The following CNNM1 variants were observed in gnomAD, a reference collection of about 807,000 sequenced individuals.
CNNM1 encodes cyclin and CBS domain divalent metal cation transport mediator 1.
In CNNM1, 44 loss-of-function variants were observed where a neutral mutation model predicts 78.8. That is an observed-to-expected ratio of 0.56 (90% CI 0.44 to 0.72). CNNM1 has a LOEUF of 0.72. Ranked by LOEUF, CNNM1 falls within the 30% of genes least tolerant of loss-of-function variation. CNNM1 has a pLI of 0.00. For synonymous variants in CNNM1, 584 were observed against 581.5 expected (o/e 1.00, Z -0.06); for missense variants, 1,101 against 1,292.2 (o/e 0.85, Z 2.27).
At chr10:99,359,931 A>G (rs2031371629) in intron 2 of CNNM1, among the ~76,000 whole-genome samples, 1 of 152,116 alleles carries the variant, frequency 6.6e-6, no homozygotes, top group Non-Finnish European at 1.5e-5. Context: ...ACCAAAAAAA[A>G]AAAAACAAAA....
At chr10:99,387,661 C>T (rs1455312478) in intron 7 of CNNM1, among the ~76,000 whole-genome samples, 159 bp from the exon 8 acceptor site, 1 of 152,208 alleles carries the variant, frequency 6.6e-6, no homozygotes, top group East Asian at 1.9e-4. Flanking sequence ...CCCTGCTGGA[C>T]TGCTACAGCG....
At chr10:99,348,802 A>G (rs1372823742) in intron 1 of CNNM1, among the ~76,000 whole-genome samples, 1 of 152,228 alleles carries the variant, frequency 6.6e-6, no homozygotes, top group Non-Finnish European at 1.5e-5. Flanking sequence ...CTGTAATCCC[A>G]GCACTTTGGG....
intron 1 of CNNM1, among the ~76,000 whole-genome samples, chr10:99,333,160 T>C (rs2029997408): frequency 6.6e-6 from 1 of 152,162 alleles, no homozygotes; most frequent in African/African-American, 2.4e-5. Flanking sequence ...CCAAATTTTC[T>C]CTTCTAACAA....
chr10:99,330,077 C>T lies in CNNM1; in HGVS notation c.690C>T (p.Leu230=). The change falls in exon 1 of 11, where the codon CTC becomes CTT. Residue 230 remains leucine, a synonymous_variant. Transcript: ENST00000356713. The part of the protein sequence containing the change: ...PPAWLRALGA[L]LLLALSALFS... ...CGTGGCTGCGGGCGCTCGGGGCGCT[C>T]CTGCTGCTAGCCTTGTCGGCCCTGT... 2 of 1,528,680 alleles carry T rather than the reference C, an allele frequency of 1.3e-6. No individual in the cohort carries two copies. The highest frequency in any genetic ancestry group is 8.7e-7 in the Non-Finnish European group (1 of 1,147,032). The allele number at this position is 1,528,680 out of a possible 1,614,324, so 94.7% of individuals were successfully genotyped here.
At chr10:99,380,977 T>G (rs1446437196) in intron 7 of CNNM1, among the ~76,000 whole-genome samples, 2 of 152,146 alleles carry the variant, frequency 1.3e-5, no homozygotes, top group Non-Finnish European at 2.9e-5. Flanking sequence ...TGTCTGTCCT[T>G]TTTGTCCAAA....
chr10:99,330,121 G>A lies in CNNM1; in HGVS notation c.734G>A (p.Ser245Asn). Residue 245 changes from serine to asparagine, a missense_variant, in exon 1 of 11, where the codon AGC becomes AAC. Coordinates refer to ENST00000356713, the MANE Select transcript of CNNM1 (RefSeq NM_020348.3). ...LSALFSGLRLSLLSLDPVELR... is the reference protein window; with the variant it reads ...LSALFSGLRLNLLSLDPVELR... ...GCCCTGTTCAGCGGCCTGCGCCTGA[G>A]CCTGCTGTCGCTGGACCCGGTGGAG... is the stretch of plus-strand genomic sequence containing the variant. 6.5e-7 allele frequency: 1 copy of A among 1,549,102 alleles called. No individual in the cohort carries two copies.
rs751775737 is a variant in CNNM1, at chr10:99,364,469, C to T, written c.2081C>T (p.Ala694Val). 3.1e-6 allele frequency: 5 copies of T among 1,612,610 alleles called. No individual in the cohort carries two copies. In the South Asian group the frequency reaches 5.5e-5, roughly 18 times the overall value. ...GKEGLRFENG[A>V]FTYYGVPAIM... Reference sequence around the variant, plus strand: ...GAAGGCCTTCGCTTTGAAAATGGAGCCTTTACTTACTATGGCGTCCCAGCC... The same window carrying T: ...GAAGGCCTTCGCTTTGAAAATGGAGTCTTTACTTACTATGGCGTCCCAGCC... Residue 694 changes from alanine to valine, a missense_variant, in exon 5 of 11, where the codon GCC becomes GTC. Ala to Val is a moderately conservative substitution (Grantham distance 64). This residue lies in a region of CNNM1 where 348 missense variants were observed against 384.5 expected (regional missense o/e 0.90). Transcript: ENST00000356713.
chr10:99,330,147 T>G lies in CNNM1; in HGVS notation c.760T>G (p.Leu254Val). Residue 254 changes from leucine (L) to valine (V), a missense_variant, in exon 1 of 11, where the codon TTA (leucine) becomes GTA (valine). Transcript: ENST00000356713. ...CCTGCTGTCGCTGGACCCGGTGGAGTTACGGGTGCTGCGGAACAGCGGCTC... is the reference window on the plus strand; with the variant it reads ...CCTGCTGTCGCTGGACCCGGTGGAGGTACGGGTGCTGCGGAACAGCGGCTC... ...LSLLSLDPVE[L>V]RVLRNSGSAA... 8 of 1,543,060 alleles carry G rather than the reference T, an allele frequency of 5.2e-6. No individual in the cohort carries two copies. The highest frequency in any genetic ancestry group is 7.0e-6 in the Non-Finnish European group (8 of 1,150,936).
At chr10:99,333,149 T>A (rs2029996926) in intron 1 of CNNM1, among the ~76,000 whole-genome samples, 1 of 152,182 alleles carries the variant, frequency 6.6e-6, no homozygotes, top group Admixed American at 6.5e-5. Context: ...TCCTTGTGTG[T>A]CCAAATTTTC....
Position 99,377,125 on chromosome 10 carries a change from T to C in CNNM1, c.2247T>C (p.Phe749=). 1 of 1,611,186 alleles carries C rather than the reference T, an allele frequency of 6.2e-7. No individual in the cohort carries two copies. Among genetic ancestry groups the C allele is most frequent in the Non-Finnish European group, 8.5e-7 (1 of 1,178,788 alleles). ...CTCCAAACCGAGAGCGCAGTGACTT[T>C]GGGGGCAGCAACACCCAGCTGTACA... ...SESPNRERSD[F]GGSNTQLYSS... The change falls in exon 7 of 11, where the codon TTT becomes TTC. Residue 749 remains phenylalanine (F), a synonymous_variant. Transcript: ENST00000356713.
At position 99,365,322 on chromosome 10, in the gene CNNM1, C is replaced by G. The variant is rs547123946; in HGVS notation, c.2176+320C>G. 1.5e-4 allele frequency among the ~76,000 whole-genome samples: 23 copies of G among 152,342 alleles called. No homozygotes were observed. In the South Asian group the frequency reaches 4.4e-3, roughly 29 times the overall value. On this transcript the variant is annotated intron_variant, in intron 6 of 10. Transcript: ENST00000356713. ...GGTGATTTGTGTGCTTGGGCAGAGG[C>G]TCAGCCCTTCCTTCTGTGCAATAAC... is the stretch of plus-strand genomic sequence containing the variant.
intron 2 of CNNM1, 42 bp from the exon 3 acceptor site, chr10:99,360,793 T>G (rs762704362): frequency 6.5e-7 from 1 of 1,544,546 alleles, no homozygotes; most frequent in Non-Finnish European, 8.8e-7. Flanking sequence ...AAGATCAACG[T>G]GATTCTGAGA....
In CNNM1 at chr10:99,377,127, G is replaced by C. The variant is rs552410228; in HGVS notation, c.2249G>C (p.Gly750Ala). 2.1e-5 allele frequency: 34 copies of C among 1,611,220 alleles called. No individual in the cohort carries two copies. In the South Asian group the frequency reaches 2.8e-4, roughly 13 times the overall value. The change falls in exon 7 of 11, where the codon GGG becomes GCG. Residue 750 changes from glycine to alanine, a missense_variant. By Grantham distance (60) the Gly-to-Ala change is moderately conservative. Transcript: ENST00000356713. Reference sequence around the variant, plus strand: ...CCAAACCGAGAGCGCAGTGACTTTGGGGGCAGCAACACCCAGCTGTACAGC... The same window carrying C: ...CCAAACCGAGAGCGCAGTGACTTTGCGGGCAGCAACACCCAGCTGTACAGC... ...ESPNRERSDFGGSNTQLYSSS... is the reference protein window; with the variant it reads ...ESPNRERSDFAGSNTQLYSSS...
intron 7 of CNNM1, among the ~76,000 whole-genome samples, chr10:99,382,781 A>G (rs1486735342): frequency 6.6e-6 from 1 of 152,198 alleles, no homozygotes; most frequent in Non-Finnish European, 1.5e-5. Flanking sequence ...ATAAAATGAC[A>G]GGAGACATCA....
chr10:99,335,941 G>C (rs574148467), intron 1 of CNNM1, among the ~76,000 whole-genome samples: 4 of 152,208 alleles, frequency 2.6e-5, no homozygotes, highest in Admixed American at 2.6e-4. Context: ...TGTTGGATTA[G>C]GGCCCACCCT....
At chr10:99,375,731 C>A (rs1471097539) in intron 6 of CNNM1, among the ~76,000 whole-genome samples, 1 of 152,216 alleles carries the variant, frequency 6.6e-6, no homozygotes, top group Non-Finnish European at 1.5e-5. Context: ...AGGTTCTACC[C>A]TGAAAGAGCA....
At chr10:99,334,047 C>A (rs1388621603) in intron 1 of CNNM1, among the ~76,000 whole-genome samples, 1 of 152,240 alleles carries the variant, frequency 6.6e-6, no homozygotes, top group East Asian at 1.9e-4. Flanking sequence ...GCATGAGTCT[C>A]ACCTGGGAAC....
chr10:99,350,276 T>C (rs547015684), intron 1 of CNNM1, among the ~76,000 whole-genome samples: 6 of 152,340 alleles, frequency 3.9e-5, no homozygotes, highest in Admixed American at 2.6e-4. Context: ...CTATATTTTA[T>C]AAGGTGAAGG....
chr10:99,347,205 C>A (rs2030732848), intron 1 of CNNM1, among the ~76,000 whole-genome samples: 2 of 150,748 alleles, frequency 1.3e-5, no homozygotes, highest in South Asian at 2.1e-4. Flanking sequence ...AAAAAAAAAA[C>A]ACAGCAGCTA....
Sources: allele counts gnomAD v4.1 joint callset (sites outside exome capture counted in the v4.1 genomes callset), GRCh38; gene constraint gnomAD v4.1.1; regional missense constraint gnomAD v4.1.1; transcripts MANE v1.5; gene names NCBI Gene and HGNC (gene_info 2026-07-23, HGNC 2026-07-21).